The following PON3 variants were observed in gnomAD, a reference collection of about 807,000 sequenced individuals.
PON3 encodes serum paraoxonase/lactonase 3.
In PON3, 37 loss-of-function variants were observed where a neutral mutation model predicts 36.3. That is an observed-to-expected ratio of 1.02 (90% CI 0.78 to 1.34). The LOEUF (loss-of-function observed/expected upper bound fraction) is 1.34. Among genes scored for constraint, PON3 ranks in the 40% most tolerant of loss-of-function variants. PON3 has a pLI of 0.00. For synonymous variants in PON3, 155 were observed against 154.8 expected, an observed-to-expected ratio of 1.00 and a Z score of -0.01; for missense variants, 415 against 426.5, an observed-to-expected ratio of 0.97 and a Z score of 0.24.
chr7:95,375,070 C>G (rs1337362275), intron 3 of PON3, among the ~76,000 whole-genome samples: 6 of 152,070 alleles, frequency 3.9e-5, no homozygotes, highest in Non-Finnish European at 7.3e-5. Flanking sequence ...ACTCTCCCCT[C>G]GAATCCATCC....
chr7:95,364,166 T>A (rs1176946300), intron 5 of PON3, 103 bp from the exon 6 acceptor site: 1 of 933,244 alleles, frequency 1.1e-6, no homozygotes, highest in African/African-American at 1.6e-5. Context: ...CGTTCATCAA[T>A]TTGAAAAAGG....
At chr7:95,379,108 A>C (rs1808985554) in intron 3 of PON3, among the ~76,000 whole-genome samples, 1 of 151,412 alleles carries the variant, frequency 6.6e-6, no homozygotes, top group Non-Finnish European at 1.5e-5. Flanking sequence ...TTGCAATCCT[A>C]GTCTCTGATA....
intron 2 of PON3, among the ~76,000 whole-genome samples, chr7:95,394,001 A>T (rs925445712): frequency 1.1e-4 from 17 of 152,202 alleles, no homozygotes; most frequent in African/African-American, 2.9e-4. Flanking sequence ...GGTTCAAGTG[A>T]TTCTCCTGCC....
At chr7:95,392,705 C>T (rs1186839232) in intron 2 of PON3, among the ~76,000 whole-genome samples, 1 of 152,174 alleles carries the variant, frequency 6.6e-6, no homozygotes, top group Non-Finnish European at 1.5e-5. Flanking sequence ...TTGGAAAGGC[C>T]ATCTGGCATT....
chr7:95,364,254 A>AT (rs1808643319), intron 5 of PON3, 191 bp from the exon 6 acceptor site: 1 of 597,186 alleles, frequency 1.7e-6, no homozygotes, highest in African/African-American at 1.9e-5. Flanking sequence ...TTCTTTAGCC[A>AT]TTTGTTATTT....
At chr7:95,384,864 A>G (rs1393300889) in intron 3 of PON3, among the ~76,000 whole-genome samples, 1 of 152,204 alleles carries the variant, frequency 6.6e-6, no homozygotes, top group East Asian at 1.9e-4. Context: ...TATATACCCA[A>G]AGGAATATAA....
At chr7:95,388,696 C>T (rs1159282369) in intron 3 of PON3, among the ~76,000 whole-genome samples, 1 of 152,162 alleles carries the variant, frequency 6.6e-6, no homozygotes, top group Non-Finnish European at 1.5e-5. Flanking sequence ...ACCCAAATGT[C>T]CATCAGTGAT....
At chr7:95,360,859 T>TA (rs1358504153) in intron 8 of PON3, among the ~76,000 whole-genome samples, 4 of 152,192 alleles carry the variant, frequency 2.6e-5, no homozygotes, top group Non-Finnish European at 4.4e-5. Flanking sequence ...TTCTTTTTTT[T>TA]ATCTTAAGGG....
intron 3 of PON3, among the ~76,000 whole-genome samples, chr7:95,382,892 AC>A (rs1809094216): frequency 6.6e-6 from 1 of 152,198 alleles, no homozygotes; most frequent in Non-Finnish European, 1.5e-5. Context: ...TGGCAGAGAC[AC>A]AACAAAAAAA....
chr7:95,375,040 T>C (rs1290711924), intron 3 of PON3, among the ~76,000 whole-genome samples: 1 of 152,066 alleles, frequency 6.6e-6, no homozygotes, highest in Non-Finnish European at 1.5e-5. Context: ...CAAAATCAAC[T>C]AGTCAAAACC....
intron 2 of PON3, 133 bp from the exon 3 acceptor site, chr7:95,390,342 A>G: frequency 1.3e-6 from 1 of 792,974 alleles, no homozygotes; most frequent in Non-Finnish European, 2.2e-6. Context: ...TTACTTGGGA[A>G]ACCATATTAA....
At chr7:95,366,948 A>G (rs1183615346) in intron 5 of PON3, among the ~76,000 whole-genome samples, 1 of 152,270 alleles carries the variant, frequency 6.6e-6, no homozygotes, top group Non-Finnish European at 1.5e-5. Flanking sequence ...AGCTGTAATT[A>G]AACAAAGAAG....
In PON3 at chr7:95,372,165, G is replaced by A. The variant is rs764130615; in HGVS notation, c.367+8C>T. ...TTTCCCCCTTATCCCTAAACATACA[G>A]GTTTTACCTTTGTCGATGAAAATAC... On this transcript the variant is annotated splice_region_variant and intron_variant, in intron 4 of 8. Transcript: ENST00000265627. 12 of 1,611,862 alleles carry A rather than the reference G, an allele frequency of 7.4e-6. No individual in the cohort carries two copies. Among genetic ancestry groups the A allele is most frequent in the Non-Finnish European group, 1.7e-6 (2 of 1,178,212 alleles).
intron 3 of PON3, among the ~76,000 whole-genome samples, chr7:95,372,952 A>G (rs1280360667): frequency 6.6e-6 from 1 of 152,186 alleles, no homozygotes; most frequent in Non-Finnish European, 1.5e-5. Flanking sequence ...CATCACAAAA[A>G]GTTTATTCCA....
At chr7:95,378,034 T>G (rs1355010724) in intron 3 of PON3, among the ~76,000 whole-genome samples, 2 of 152,106 alleles carry the variant, frequency 1.3e-5, no homozygotes, top group Non-Finnish European at 2.9e-5. Flanking sequence ...AATGGATAAC[T>G]AGAATAAGCA....
chr7:95,386,686 A>T (rs1809197733), intron 3 of PON3, among the ~76,000 whole-genome samples: 1 of 152,176 alleles, frequency 6.6e-6, no homozygotes, highest in Non-Finnish European at 1.5e-5. Context: ...AAAAATAGAT[A>T]ATTTTAGGCC....
intron 3 of PON3, among the ~76,000 whole-genome samples, chr7:95,376,789 C>A (rs1192485733): frequency 6.6e-6 from 1 of 152,066 alleles, no homozygotes; most frequent in African/African-American, 2.4e-5. Flanking sequence ...TCCAAGATGG[C>A]GGAATAGGAA....
intron 1 of PON3, 82 bp from the exon 2 acceptor site, chr7:95,394,796 G>C (rs1387243447): frequency 2.7e-6 from 3 of 1,094,492 alleles, no homozygotes; most frequent in Admixed American, 3.4e-5. Flanking sequence ...AATCATCTTC[G>C]TGTTGGTTAA....
At chr7:95,377,960 C>T (rs574222065) in intron 3 of PON3, among the ~76,000 whole-genome samples, 3 of 152,182 alleles carry the variant, frequency 2.0e-5, no homozygotes, top group Admixed American at 6.5e-5. Context: ...CAAACTTCTC[C>T]GAGCTAAAGG....
Sources: allele counts gnomAD v4.1 joint callset (sites outside exome capture counted in the v4.1 genomes callset), GRCh38; gene constraint gnomAD v4.1.1; transcripts MANE v1.5; gene names NCBI Gene and HGNC (gene_info 2026-07-23, HGNC 2026-07-21).